SLC7A11: variants seen among roughly 807,000 people sequenced by gnomAD.
SLC7A11 encodes the protein solute carrier family 7 member 11, also known as cystine/glutamate transporter.
In SLC7A11, 35 loss-of-function variants were observed where a neutral mutation model predicts 54.5. The observed-to-expected ratio is 0.64, with a 90% confidence interval of 0.49 to 0.85. SLC7A11 has a LOEUF of 0.85. SLC7A11 is among the 40% of genes least tolerant of loss of function. SLC7A11 has a pLI of 0.00. For synonymous variants in SLC7A11, 230 were observed against 225.2 expected, an observed-to-expected ratio of 1.02 and a Z score of -0.19; for missense variants, 583 against 618.1, an observed-to-expected ratio of 0.94 and a Z score of 0.60.
At chr4:138,203,378 A>G (rs538672697) in intron 6 of SLC7A11, among the ~76,000 whole-genome samples, 1 of 152,258 alleles carries the variant, frequency 6.6e-6, no homozygotes, top group South Asian at 2.1e-4. Flanking sequence ...TTTAAAATGA[A>G]CTATATTCTT....
In SLC7A11 at chr4:138,183,328, A is replaced by C. The variant is rs1161671152; in HGVS notation, c.916-23T>G. 2.7e-6 allele frequency: 4 copies of C among 1,494,228 alleles called. No homozygotes were observed. In the African/African-American group the frequency reaches 4.2e-5, roughly 16 times the overall value. 92.6% of individuals were successfully genotyped at this position (1,494,228 alleles called of 1,614,324 possible). On this transcript the variant is annotated intron_variant, in intron 7 of 11. Transcript: ENST00000280612. ...GGTCTAGTGAAAGAAAGAACGAAGC[A>C]AATTAATGCCTTGCCAGAAAGTGGA... is the stretch of plus-strand genomic sequence containing the variant.
Position 138,171,886 on chromosome 4 carries a change from G to T in SLC7A11, c.*70C>A. On this transcript the variant is annotated 3_prime_UTR_variant, in exon 12 of 12. Coordinates refer to ENST00000280612, the MANE Select transcript of SLC7A11 (RefSeq NM_014331.4). ...AAAGTTGTAATTCTCTAGACTTTCA[G>T]AAAATGAAGTAAAAATCCCTATTTT... is the stretch of plus-strand genomic sequence containing the variant. The T allele has an allele frequency of 6.5e-7, 1 of 1,542,464 alleles. No individual in the cohort carries two copies.
chr4:138,216,322 A>T (rs11100852), intron 5 of SLC7A11, among the ~76,000 whole-genome samples: 61,760 of 151,888 alleles, frequency 0.41, 13,468 homozygotes, highest in Middle Eastern at 0.6. Flanking sequence ...CTAAATCCAT[A>T]GAGGGGGATA....
At chr4:138,228,278 T>C (rs1737990208) in intron 3 of SLC7A11, among the ~76,000 whole-genome samples, 1 of 152,114 alleles carries the variant, frequency 6.6e-6, no homozygotes, top group Non-Finnish European at 1.5e-5. Flanking sequence ...GGGATGGATC[T>C]GGGACTAGAT....
At chr4:138,224,485 G>T (rs1453936392) in intron 3 of SLC7A11, among the ~76,000 whole-genome samples, 1 of 152,034 alleles carries the variant, frequency 6.6e-6, no homozygotes, top group African/African-American at 2.4e-5. Flanking sequence ...GAAATTGGAA[G>T]TTTTCCTTAT....
chr4:138,214,740 C>G (rs758986341), intron 5 of SLC7A11, 111 bp from the exon 6 acceptor site: 5 of 362,262 alleles, frequency 1.4e-5, no homozygotes, highest in East Asian at 5.0e-5. Flanking sequence ...TATAACAATA[C>G]TTATAGTAAG....
At position 138,223,228 on chromosome 4, in the gene SLC7A11, A is replaced by AT; in HGVS notation, c.616dup (p.Ile206AsnfsTer10). ...AATTAGCTGCATAACTCCAGGGACT[A>AT]TAATTATCAGAATTGCTGTGAGCTT... On this transcript the variant is annotated frameshift_variant, in exon 4 of 12. Coordinates refer to ENST00000280612, the MANE Select transcript of SLC7A11 (RefSeq NM_014331.4). LOFTEE classifies it high-confidence loss of function. 6.2e-7 allele frequency: 1 copy of AT among 1,613,616 alleles called. No individual in the cohort carries two copies. Among genetic ancestry groups the AT allele is most frequent in the Non-Finnish European group, 8.5e-7 (1 of 1,179,540 alleles).
chr4:138,190,818 G>A (rs2148419540), intron 6 of SLC7A11, among the ~76,000 whole-genome samples: 1 of 152,150 alleles, frequency 6.6e-6, no homozygotes, highest in East Asian at 1.9e-4. Context: ...ATTTCTAGCA[G>A]GGATTGAAGT....
At chr4:138,220,181 G>T (rs952313227) in intron 4 of SLC7A11, among the ~76,000 whole-genome samples, 1 of 151,860 alleles carries the variant, frequency 6.6e-6, no homozygotes, top group African/African-American at 2.4e-5. Context: ...CTTGTGATCC[G>T]CCCGCCTCGG....
chr4:138,184,659 A>C (rs1190736479), intron 7 of SLC7A11, among the ~76,000 whole-genome samples: 1 of 152,144 alleles, frequency 6.6e-6, no homozygotes, highest in Non-Finnish European at 1.5e-5. Context: ...TAGTATTCAA[A>C]AGGATATACT....
chr4:138,238,392 C>T (rs942332388), intron 1 of SLC7A11, among the ~76,000 whole-genome samples: 2 of 152,270 alleles, frequency 1.3e-5, no homozygotes, highest in African/African-American at 2.4e-5. Flanking sequence ...TCTATCTGTA[C>T]TGCCAAGTGC....
At chr4:138,233,540 G>T (rs1194906188) in intron 2 of SLC7A11, among the ~76,000 whole-genome samples, 3 of 151,806 alleles carry the variant, frequency 2.0e-5, no homozygotes. Flanking sequence ...TCTTCTCGTG[G>T]TTACCCAACA....
chr4:138,233,472 C>T (rs886405607), intron 2 of SLC7A11, among the ~76,000 whole-genome samples: 4 of 152,252 alleles, frequency 2.6e-5, no homozygotes, highest in African/African-American at 7.2e-5. Context: ...GCGTGAGCCA[C>T]CGTGCCCGGC....
chr4:138,181,903 A>G (rs934267769), intron 9 of SLC7A11, among the ~76,000 whole-genome samples: 2 of 152,138 alleles, frequency 1.3e-5, no homozygotes, highest in African/African-American at 4.8e-5. Context: ...ATTTCATTAT[A>G]AGGTGCCTAG....
At chr4:138,231,368 AC>A (rs752199773) in intron 3 of SLC7A11, among the ~76,000 whole-genome samples, 29 of 152,190 alleles carry the variant, frequency 1.9e-4, no homozygotes, top group Non-Finnish European at 3.8e-4. Context: ...TAAATGAATT[AC>A]AGGCAATAAG....
intron 6 of SLC7A11, among the ~76,000 whole-genome samples, chr4:138,207,299 A>AAG (rs1737432763): frequency 6.6e-6 from 1 of 152,124 alleles, no homozygotes; most frequent in African/African-American, 2.4e-5. Flanking sequence ...TACAAAATAC[A>AAG]ATATTGCTGT....
rs4479754 is a variant in SLC7A11 at position 138,179,218 on chromosome 4, C to T, written c.1443G>A (p.Ser481=). 0.99 allele frequency: 1,573,962 copies of T among 1,597,086 alleles called. 778,125 individuals are homozygous for T. Among genetic ancestry groups the T allele is most frequent in the East Asian group, 1 (44,714 of 44,714 alleles). ...CCTGAAAGTATTTAAAATTCTTACC[C>T]GACATTATTCTAAACCACCTGGGTT... ...DKKPRWFRIM[S]EKITRTLQII... Residue 481 remains serine, a splice_region_variant and synonymous_variant, in exon 11 of 12, where the codon TCG becomes TCA. Transcript: ENST00000280612.
chr4:138,191,199 A>G (rs536005129), intron 6 of SLC7A11, among the ~76,000 whole-genome samples: 4 of 152,312 alleles, frequency 2.6e-5, no homozygotes, highest in African/African-American at 9.6e-5. Flanking sequence ...GAACAAAGTG[A>G]TGGGCCGAGC....
intron 6 of SLC7A11, among the ~76,000 whole-genome samples, chr4:138,190,181 T>C (rs116686111): frequency 0.022 from 3,333 of 152,218 alleles, 50 homozygotes; most frequent in Non-Finnish European, 0.027. Context: ...GAGAAATGGT[T>C]GATGCTTCAC....
Sources: gnomAD v4.1 joint callset for allele counts (sites outside exome capture counted in the v4.1 genomes callset) on GRCh38, gnomAD v4.1.1 for gene constraint, MANE v1.5 for transcripts, NCBI Gene and HGNC (gene_info 2026-07-23, HGNC 2026-07-21) for gene names.